The following CD163L1 variants were observed in gnomAD, a reference collection of about 807,000 sequenced individuals.
CD163L1 encodes the protein scavenger receptor cysteine-rich type 1 protein M160.
A neutral mutation model predicts 165.4 loss-of-function variants in CD163L1; 124 were observed. The ratio of observed to expected loss-of-function variants is 0.75; its 90% CI spans 0.65 to 0.87. The LOEUF (loss-of-function observed/expected upper bound fraction) is 0.87. Among genes scored for constraint, CD163L1 ranks in the 40% least tolerant of loss-of-function variants. The probability of loss-of-function intolerance (pLI) is 0.00; values close to 1 mark genes in which losing one functional copy is unlikely to be tolerated. For missense variants in CD163L1, 1,525 were observed against 1,799.9 expected (o/e 0.85, Z 2.76); for synonymous variants, 585 against 662.2 (o/e 0.88, Z 1.79).
At chr12:7,352,857 G>A (rs915221365), downstream of CD163L1, among the ~76,000 whole-genome samples, 1 of 151,872 alleles carries the variant, frequency 6.6e-6, no homozygotes, top group Non-Finnish European at 1.5e-5. Context: ...TTAGAAACCA[G>A]AATTACTGCA....
chr12:7,407,238 G>C (rs1229037635), intron 4 of CD163L1, among the ~76,000 whole-genome samples: 1 of 152,124 alleles, frequency 6.6e-6, no homozygotes, highest in Admixed American at 6.5e-5. Flanking sequence ...CTGTGTATAA[G>C]CAGTGGCAAT....
intron 14 of CD163L1, among the ~76,000 whole-genome samples, chr12:7,371,147 T>A (rs1331074841): frequency 6.6e-6 from 1 of 152,232 alleles, no homozygotes; most frequent in Non-Finnish European, 1.5e-5. Context: ...TTGTGAGGCC[T>A]CATTAGCCAT....
intron 13 of CD163L1, among the ~76,000 whole-genome samples, chr12:7,373,846 G>A (rs1319091841): frequency 1.3e-5 from 2 of 152,176 alleles, no homozygotes; most frequent in Non-Finnish European, 2.9e-5. Flanking sequence ...CCCAAGAATA[G>A]TATTTGAGCT....
At chr12:7,421,991 A>G (rs1266311363) in intron 4 of CD163L1, among the ~76,000 whole-genome samples, 2 of 152,062 alleles carry the variant, frequency 1.3e-5, no homozygotes, top group East Asian at 3.9e-4. Flanking sequence ...ATGACTCCTG[A>G]CTGGGAGAGA....
chr12:7,416,692 T>G (rs975008386), intron 4 of CD163L1, among the ~76,000 whole-genome samples: 2 of 152,182 alleles, frequency 1.3e-5, no homozygotes, highest in Non-Finnish European at 1.5e-5. Context: ...CCCCATTGCT[T>G]GTTTTTGTCA....
chr12:7,427,718 C>T (rs917502157), intron 4 of CD163L1, among the ~76,000 whole-genome samples: 1 of 152,036 alleles, frequency 6.6e-6, no homozygotes, highest in Non-Finnish European at 1.5e-5. Flanking sequence ...TTGACAATGT[C>T]ATACCTGCAA....
At chr12:7,340,360 C>A in the CD163L1 span, among the ~76,000 whole-genome samples, 1 of 152,070 alleles carries the variant, frequency 6.6e-6, no homozygotes, top group African/African-American at 2.4e-5. Flanking sequence ...GTCGCCTCCC[C>A]ACCATAATAA....
downstream of CD163L1, among the ~76,000 whole-genome samples, chr12:7,351,174 CATATAG>C (rs1006750051): frequency 1.3e-5 from 2 of 151,902 alleles, no homozygotes; most frequent in African/African-American, 4.8e-5. Flanking sequence ...TACATCAATA[CATATAG>C]ATATATATAT....
At chr12:7,334,715 A>G in the CD163L1 span, among the ~76,000 whole-genome samples, 1 of 152,222 alleles carries the variant, frequency 6.6e-6, no homozygotes, top group African/African-American at 2.4e-5. Context: ...CTGTTTGCAG[A>G]TGACATGATT....
chr12:7,395,684 C>A (rs1328108516), intron 8 of CD163L1, among the ~76,000 whole-genome samples: 1 of 152,080 alleles, frequency 6.6e-6, no homozygotes, highest in African/African-American at 2.4e-5. Flanking sequence ...ATAAATAAGT[C>A]TTTCAGGTAA....
At chr12:7,365,485 G>A (rs1023050486) in intron 18 of CD163L1, among the ~76,000 whole-genome samples, 5 of 152,076 alleles carry the variant, frequency 3.3e-5, no homozygotes, top group Admixed American at 6.5e-5. Context: ...ACAACCCACA[G>A]AGTGGGAGAA....
At chr12:7,348,260 C>G (rs969043649) in intron 4 of CD163L1, among the ~76,000 whole-genome samples, 1 of 152,180 alleles carries the variant, frequency 6.6e-6, no homozygotes, top group African/African-American at 2.4e-5. Context: ...AGGGAAGTGG[C>G]ACACATCACA....
chr12:7,438,339 A>T (rs1408565626), intron 2 of CD163L1, among the ~76,000 whole-genome samples: 1 of 152,218 alleles, frequency 6.6e-6, no homozygotes, highest in Non-Finnish European at 1.5e-5. Flanking sequence ...AATAATTTTT[A>T]TAATGGGACA....
chr12:7,333,880 G>A, the CD163L1 span, among the ~76,000 whole-genome samples: 2 of 152,118 alleles, frequency 1.3e-5, no homozygotes, highest in African/African-American at 4.8e-5. Context: ...AAATAAACTA[G>A]AAAATCTAGA....
chr12:7,427,488 G>A (rs971294863), intron 4 of CD163L1, among the ~76,000 whole-genome samples: 2 of 152,082 alleles, frequency 1.3e-5, no homozygotes, highest in Admixed American at 1.3e-4. Flanking sequence ...TATGTTAAAT[G>A]TTCTTACCAT....
intron 7 of CD163L1, 138 bp from the exon 8 acceptor site, chr12:7,396,553 G>T: frequency 1.2e-6 from 1 of 826,528 alleles, no homozygotes; most frequent in Non-Finnish European, 1.8e-6. Context: ...TTTCAGATGT[G>T]ATTAACCTTT....
the CD163L1 span, among the ~76,000 whole-genome samples, chr12:7,319,767 A>C: frequency 1.3e-5 from 2 of 152,152 alleles, no homozygotes; most frequent in South Asian, 4.1e-4. Context: ...TAACCTAAGA[A>C]CTGAGATCTC....
At chr12:7,378,521 C>T (rs1212723042) in intron 9 of CD163L1, among the ~76,000 whole-genome samples, 1 of 152,114 alleles carries the variant, frequency 6.6e-6, no homozygotes, top group Non-Finnish European at 1.5e-5. Context: ...ATAAGTTTTC[C>T]CCCTTCTTCA....
At chr12:7,385,328 A>G (rs1164957864) in intron 8 of CD163L1, among the ~76,000 whole-genome samples, 1 of 152,006 alleles carries the variant, frequency 6.6e-6, no homozygotes, top group African/African-American at 2.4e-5. Flanking sequence ...CTAAATACAT[A>G]TACACCCAAC....
Sources: allele counts gnomAD v4.1 joint callset (sites outside exome capture counted in the v4.1 genomes callset), GRCh38; gene constraint gnomAD v4.1.1; transcripts MANE v1.5; gene names NCBI Gene and HGNC (gene_info 2026-07-23, HGNC 2026-07-21).